Variants in SLC16A7 observed in about 807,000 individuals in gnomAD.
SLC16A7 encodes the protein monocarboxylate transporter 2.
In SLC16A7, 33 loss-of-function variants were observed where a neutral mutation model predicts 34.9. The observed-to-expected ratio is 0.94, with a 90% CI of 0.72 to 1.26. The LOEUF is 1.26. Among genes scored for constraint, SLC16A7 ranks in the 50% most tolerant of loss-of-function variants. The pLI, the probability that SLC16A7 is intolerant of heterozygous loss-of-function variation, is 0.00. For synonymous variants in SLC16A7, 201 were observed against 206.6 expected, an observed-to-expected ratio of 0.97 and a Z score of 0.23; for missense variants, 573 against 578.1, an observed-to-expected ratio of 0.99 and a Z score of 0.09.
chr12:59,709,516 G>A (rs1367058556), intron 3 of SLC16A7, among the ~76,000 whole-genome samples: 1 of 151,376 alleles, frequency 6.6e-6, no homozygotes, highest in African/African-American at 2.4e-5. Context: ...TCTACATTGT[G>A]CCCTAATATT....
chr12:59,740,882 T>G (rs566821727), intron 3 of SLC16A7, among the ~76,000 whole-genome samples: 6,777 of 152,110 alleles, frequency 0.045, 478 homozygotes, highest in African/African-American at 0.16. Flanking sequence ...ACAAAATCAA[T>G]GTACAAAAAT....
chr12:59,698,416 C>T (rs986126850), intron 2 of SLC16A7, among the ~76,000 whole-genome samples: 12 of 151,586 alleles, frequency 7.9e-5, no homozygotes. Context: ...TTTGTTGTTT[C>T]TTCAATTCTA....
chr12:59,660,486 T>C (rs928206058), intron 2 of SLC16A7, among the ~76,000 whole-genome samples: 1 of 151,214 alleles, frequency 6.6e-6, no homozygotes, highest in Non-Finnish European at 1.5e-5. Context: ...TTTATACTTT[T>C]ATTTAAAATA....
intron 2 of SLC16A7, among the ~76,000 whole-genome samples, chr12:59,678,127 G>A (rs951536619): frequency 1.3e-5 from 2 of 152,210 alleles, no homozygotes; most frequent in Admixed American, 6.5e-5. Flanking sequence ...CACAGCCCTG[G>A]CTCAGGGAAC....
chr12:59,640,145 A>G (rs1185560683), intron 1 of SLC16A7, among the ~76,000 whole-genome samples: 1 of 152,200 alleles, frequency 6.6e-6, no homozygotes, highest in African/African-American at 2.4e-5. Context: ...CCACCTTCCC[A>G]GTACTTGGAG....
intron 1 of SLC16A7, among the ~76,000 whole-genome samples, chr12:59,641,603 G>A (rs910457962): frequency 7.2e-5 from 11 of 151,864 alleles, no homozygotes; most frequent in Admixed American, 2.0e-4. Context: ...TTAGTCCGTT[G>A]TACAAAATAT....
chr12:59,748,752 A>C (rs1879174647), intron 3 of SLC16A7, among the ~76,000 whole-genome samples: 1 of 152,128 alleles, frequency 6.6e-6, no homozygotes, highest in Non-Finnish European at 1.5e-5. Context: ...TTTGCAAACT[A>C]CCTTTTTATC....
chr12:59,761,552 C>T (rs1881016003), intron 3 of SLC16A7, among the ~76,000 whole-genome samples: 1 of 151,996 alleles, frequency 6.6e-6, no homozygotes, highest in Non-Finnish European at 1.5e-5. Flanking sequence ...ATTTTTCTTT[C>T]TAACTAATCA....
chr12:59,752,397 G>C (rs917349742), intron 3 of SLC16A7, among the ~76,000 whole-genome samples: 2 of 152,204 alleles, frequency 1.3e-5, no homozygotes, highest in Non-Finnish European at 2.9e-5. Context: ...AACCAATACA[G>C]AGAAGTGCTT....
In SLC16A7 at chr12:59,624,850, G is replaced by T. The variant is rs375744374; in HGVS notation, c.-130+28614G>T. On this transcript the variant is annotated intron_variant, in intron 1 of 5. Coordinates refer to ENST00000547379, the MANE Select transcript of SLC16A7 (RefSeq NM_001270623.2). ...TGCAGTTTTATTGAGTGACAGCAGG[G>T]CATATCACCTTTTACACTTTCTACC... 2.0e-5 allele frequency among the ~76,000 whole-genome samples: 3 copies of T among 151,318 alleles called. No homozygotes were observed. In the East Asian group the frequency reaches 5.8e-4, roughly 29 times the overall value.
At chr12:59,739,456 C>G (rs376859640) in intron 3 of SLC16A7, among the ~76,000 whole-genome samples, 13,887 of 135,618 alleles carry the variant, frequency 0.1, 936 homozygotes, top group African/African-American at 0.19. Context: ...TTGGACATTT[C>G]GGTTGGTTCC....
chr12:59,676,743 C>T (rs928857408), intron 2 of SLC16A7, among the ~76,000 whole-genome samples: 1 of 151,920 alleles, frequency 6.6e-6, no homozygotes, highest in African/African-American at 2.4e-5. Flanking sequence ...TAATTCCTTC[C>T]TAGAGTATTT....
At chr12:59,742,310 A>C (rs575440092) in intron 3 of SLC16A7, among the ~76,000 whole-genome samples, 1 of 152,326 alleles carries the variant, frequency 6.6e-6, no homozygotes, top group African/African-American at 2.4e-5. Flanking sequence ...TAATGTTAAC[A>C]GCTCTGGATC....
At chr12:59,700,820 T>C (rs185141356) in intron 2 of SLC16A7, among the ~76,000 whole-genome samples, 1 of 151,826 alleles carries the variant, frequency 6.6e-6, no homozygotes, top group Admixed American at 6.6e-5. Context: ...TTATTTCATA[T>C]TTTTAGAGAA....
At chr12:59,628,548 C>G (rs1048225203) in intron 1 of SLC16A7, among the ~76,000 whole-genome samples, 1 of 151,834 alleles carries the variant, frequency 6.6e-6, no homozygotes, top group African/African-American at 2.4e-5. Flanking sequence ...AACAAACCCT[C>G]TGGTAGCTTT....
At chr12:59,644,302 C>T (rs554247073) in intron 1 of SLC16A7, among the ~76,000 whole-genome samples, 226 of 152,286 alleles carry the variant, frequency 1.5e-3, no homozygotes, top group African/African-American at 5.3e-3. Context: ...CACGGTAGCT[C>T]ATGACTGTAA....
At chr12:59,654,126 C>A (rs113984641) in intron 1 of SLC16A7, among the ~76,000 whole-genome samples, 28 of 151,114 alleles carry the variant, frequency 1.9e-4, no homozygotes, top group African/African-American at 6.3e-4. Flanking sequence ...TTTTAATCAA[C>A]TATTATGTGG....
chr12:59,727,585 AGTT>A (rs1350951664), intron 3 of SLC16A7, among the ~76,000 whole-genome samples: 2 of 152,160 alleles, frequency 1.3e-5, no homozygotes, highest in African/African-American at 4.8e-5. Context: ...CTTTCAAAGG[AGTT>A]GTTGTAAGAA....
intron 1 of SLC16A7, among the ~76,000 whole-genome samples, chr12:59,604,409 G>C (rs1405925795): frequency 6.6e-6 from 1 of 152,162 alleles, no homozygotes; most frequent in Non-Finnish European, 1.5e-5. Flanking sequence ...TTGGAAATTA[G>C]CCACTCAGTA....
Sources: allele counts gnomAD v4.1 joint callset (sites outside exome capture counted in the v4.1 genomes callset), GRCh38; gene constraint gnomAD v4.1.1; transcripts MANE v1.5; gene names NCBI Gene and HGNC (gene_info 2026-07-23, HGNC 2026-07-21).